Variants in LHFPL3 observed in about 807,000 individuals in gnomAD.
The protein encoded by LHFPL3 is LHFPL tetraspan subfamily member 3.
In LHFPL3, 5 loss-of-function variants were observed where a neutral mutation model predicts 19.3. The observed-to-expected ratio is 0.26, with a 90% CI of 0.14 to 0.54. LHFPL3 has a LOEUF of 0.54. Ranked by LOEUF, LHFPL3 falls within the 20% of genes least tolerant of loss-of-function variation. The pLI is 0.94. For missense variants in LHFPL3, 249 were observed against 307.4 expected (o/e 0.81, Z 1.42); for synonymous variants, 133 against 126.2 (o/e 1.05, Z -0.36).
At chr7:104,766,410 T>C (rs760557516) in intron 2 of LHFPL3, among the ~76,000 whole-genome samples, 8 of 152,210 alleles carry the variant, frequency 5.3e-5, no homozygotes, top group African/African-American at 9.6e-5. Context: ...CTTGGATTGT[T>C]TCTCATCTAT....
At chr7:104,499,085 A>G (rs1793548464) in intron 1 of LHFPL3, among the ~76,000 whole-genome samples, 1 of 152,184 alleles carries the variant, frequency 6.6e-6, no homozygotes, top group Non-Finnish European at 1.5e-5. Flanking sequence ...TTTACTCCAA[A>G]AGTAATGGCA....
intron 1 of LHFPL3, among the ~76,000 whole-genome samples, chr7:104,645,222 C>G (rs1470110167): frequency 1.3e-5 from 2 of 152,290 alleles, no homozygotes; most frequent in African/African-American, 4.8e-5. Flanking sequence ...ATAAAAACAG[C>G]TCTGTTTAAT....
At chr7:104,581,750 C>A (rs1305169033) in intron 1 of LHFPL3, among the ~76,000 whole-genome samples, 1 of 151,880 alleles carries the variant, frequency 6.6e-6, no homozygotes, top group East Asian at 1.9e-4. Flanking sequence ...TTTCTTTTCC[C>A]ATTGAATTAT....
intron 2 of LHFPL3, among the ~76,000 whole-genome samples, chr7:104,842,034 C>G (rs1791220794): frequency 6.6e-6 from 1 of 152,022 alleles, no homozygotes; most frequent in South Asian, 2.1e-4. Context: ...CTCCTCCTCT[C>G]TCTCTATGCT....
intron 1 of LHFPL3, among the ~76,000 whole-genome samples, chr7:104,438,496 A>T (rs976362114): frequency 6.6e-6 from 1 of 152,228 alleles, no homozygotes; most frequent in Non-Finnish European, 1.5e-5. Flanking sequence ...TTTGTTATTG[A>T]GGTTTAATTT....
intron 2 of LHFPL3, among the ~76,000 whole-genome samples, chr7:104,852,655 A>G (rs1791433700): frequency 6.6e-6 from 1 of 152,256 alleles, no homozygotes; most frequent in Non-Finnish European, 1.5e-5. Flanking sequence ...GCAGTCCCAC[A>G]GGGACCCAAG....
intron 1 of LHFPL3, among the ~76,000 whole-genome samples, chr7:104,414,815 A>C (rs909043917): frequency 1.3e-5 from 2 of 152,230 alleles, no homozygotes; most frequent in Non-Finnish European, 2.9e-5. Context: ...TACTGACTGA[A>C]AAAGAACTTT....
intron 1 of LHFPL3, among the ~76,000 whole-genome samples, chr7:104,410,749 A>G (rs1193969927): frequency 6.6e-6 from 1 of 152,266 alleles, no homozygotes; most frequent in Non-Finnish European, 1.5e-5. Flanking sequence ...ATTGATTAAT[A>G]TGGATCATAC....
intron 1 of LHFPL3, among the ~76,000 whole-genome samples, chr7:104,488,946 A>C (rs1395463977): frequency 2.0e-5 from 3 of 152,180 alleles, no homozygotes; most frequent in African/African-American, 7.2e-5. Flanking sequence ...TTGCATGACC[A>C]GGGCTGGCTT....
chr7:104,631,246 G>A (rs1341371213), intron 1 of LHFPL3, among the ~76,000 whole-genome samples: 1 of 152,012 alleles, frequency 6.6e-6, no homozygotes, highest in Non-Finnish European at 1.5e-5. Context: ...TTGATAACTG[G>A]AATATCTTGC....
chr7:104,699,855 T>C (rs1016579049), intron 1 of LHFPL3, among the ~76,000 whole-genome samples: 1 of 152,158 alleles, frequency 6.6e-6, no homozygotes, highest in Admixed American at 6.5e-5. Flanking sequence ...GGAAGCTCCG[T>C]CCATACTGCC....
Position 104,754,565 on chromosome 7 carries a change from C to A in LHFPL3, c.682+17654C>A, listed in dbSNP as rs143224001. On this transcript the variant is annotated intron_variant, in intron 2 of 2. Transcript: ENST00000424859. ...GTAAAATATAGACCATGTTGTCCAT[C>A]TTACAGTGCCATAGTGAGGTTTAAA... 1.9e-3 allele frequency among the ~76,000 whole-genome samples: 292 copies of A among 152,334 alleles called. 2 individuals are homozygous for A. The highest frequency in any genetic ancestry group is 6.5e-3 in the African/African-American group (270 of 41,584).
At chr7:104,729,638 T>C (rs80232303) in intron 1 of LHFPL3, among the ~76,000 whole-genome samples, 1 of 152,164 alleles carries the variant, frequency 6.6e-6, no homozygotes, top group Non-Finnish European at 1.5e-5. Flanking sequence ...TTTCTGTGCC[T>C]GGCTTATTTC....
intron 2 of LHFPL3, among the ~76,000 whole-genome samples, chr7:104,798,908 A>T (rs1468152829): frequency 6.6e-6 from 1 of 152,222 alleles, no homozygotes; most frequent in Non-Finnish European, 1.5e-5. Flanking sequence ...CTACCACAAC[A>T]GAAATGAATT....
At chr7:104,509,832 T>C (rs1793776723) in intron 1 of LHFPL3, among the ~76,000 whole-genome samples, 2 of 152,082 alleles carry the variant, frequency 1.3e-5, no homozygotes, top group Admixed American at 6.5e-5. Flanking sequence ...TGACGATCTA[T>C]GTAGAAAGTC....
chr7:104,450,531 T>A (rs1280307730), intron 1 of LHFPL3, among the ~76,000 whole-genome samples: 1 of 151,426 alleles, frequency 6.6e-6, no homozygotes, highest in Non-Finnish European at 1.5e-5. Flanking sequence ...AATGAGAACA[T>A]ATGGACACAG....
At chr7:104,541,972 A>C (rs1584390482) in intron 1 of LHFPL3, among the ~76,000 whole-genome samples, 1 of 151,932 alleles carries the variant, frequency 6.6e-6, no homozygotes, top group African/African-American at 2.4e-5. Context: ...TAGGAGGAAA[A>C]CCCTTGACGT....
chr7:104,519,533 G>T (rs1054614114), intron 1 of LHFPL3, among the ~76,000 whole-genome samples: 1 of 152,160 alleles, frequency 6.6e-6, no homozygotes, highest in African/African-American at 2.4e-5. Context: ...TAGGGAGGGA[G>T]AAGAAGGGAA....
At position 104,477,452 on chromosome 7, in the gene LHFPL3, G is replaced by C. The variant is rs141965022; in HGVS notation, c.445+148228G>C. 7.6e-4 allele frequency among the ~76,000 whole-genome samples: 116 copies of C among 152,270 alleles called. 1 individual carries two copies. Among genetic ancestry groups the C allele is most frequent in the Non-Finnish European group, 1.5e-3 (99 of 68,028 alleles). The stretch of plus-strand genomic sequence containing the variant: ...GCTCCCATGCAGCCTACCATTAAGA[G>C]GGGAGGATAATCATTAATCAAATAA... On this transcript the variant is annotated intron_variant, in intron 1 of 2. Transcript: ENST00000424859.
Sources: allele counts gnomAD v4.1 joint callset (sites outside exome capture counted in the v4.1 genomes callset), GRCh38; gene constraint gnomAD v4.1.1; transcripts MANE v1.5; gene names NCBI Gene and HGNC (gene_info 2026-07-23, HGNC 2026-07-21).